TTC8: variants seen among roughly 807,000 people sequenced by gnomAD.
TTC8 encodes the protein tetratricopeptide repeat domain 8.
In TTC8, 47 loss-of-function variants were observed where a neutral mutation model predicts 72.5. The observed-to-expected ratio is 0.65, with a 90% CI of 0.51 to 0.83. The LOEUF is 0.83. Ranked by LOEUF, TTC8 falls within the 40% of genes least tolerant of loss-of-function variation. The pLI is 0.00. For missense variants in TTC8, 611 were observed against 623.2 expected, an observed-to-expected ratio of 0.98 and a Z score of 0.21; for synonymous variants, 199 against 221.4, an observed-to-expected ratio of 0.90 and a Z score of 0.90.
intron 7 of TTC8, among the ~76,000 whole-genome samples, chr14:88,849,090 C>G (rs897976244): frequency 2.6e-5 from 4 of 151,946 alleles, no homozygotes; most frequent in African/African-American, 9.7e-5. Context: ...CTTTGTTTTC[C>G]ATTTTATTTA....
In TTC8 at chr14:88,853,058, T is replaced by C. The variant is rs773484149; in HGVS notation, c.710+2T>C. ...ACAGATTGGAAAATGTTACTACAGG[T>C]AAATTTCATTATTTGTGAAGGGCTT... is the stretch of plus-strand genomic sequence containing the variant. On this transcript the variant is annotated splice_donor_variant, in intron 8 of 14. Coordinates refer to ENST00000380656, the MANE Select transcript of TTC8 (RefSeq NM_144596.4). LOFTEE classifies it high-confidence loss of function. 2 of 1,609,290 alleles carry C rather than the reference T, an allele frequency of 1.2e-6. No individual in the cohort carries two copies. The highest frequency in any genetic ancestry group is 2.2e-5 in the South Asian group (2 of 90,992).
chr14:88,870,778 GAA>G (rs2094930335), intron 11 of TTC8, among the ~76,000 whole-genome samples: 1 of 152,156 alleles, frequency 6.6e-6, no homozygotes, highest in Non-Finnish European at 1.5e-5. Context: ...GGGTAATATA[GAA>G]AGAGATGACT....
At chr14:88,878,160 A>G (rs1251387872), downstream of TTC8, 1 of 152,202 alleles carries the variant, frequency 6.6e-6, no homozygotes, top group African/African-American at 2.4e-5. Context: ...ATTATTAATA[A>G]TAAGAATATT....
chr14:88,824,931 T>A, intron 1 of TTC8, 110 bp downstream of exon 1: 1 of 1,095,306 alleles, frequency 9.1e-7, no homozygotes, highest in Non-Finnish European at 1.4e-6. Flanking sequence ...GAGGCGGGGC[T>A]GACCGTTCGG....
At chr14:88,870,265 G>A (rs1211024836) in intron 11 of TTC8, 67 bp downstream of exon 11, 3 of 1,542,110 alleles carry the variant, frequency 1.9e-6, no homozygotes, top group East Asian at 2.2e-5. Context: ...TAAGAAAGAT[G>A]GAATGAAAGT....
At chr14:88,825,174 G>T (rs944410102) in intron 1 of TTC8, among the ~76,000 whole-genome samples, 23 of 152,194 alleles carry the variant, frequency 1.5e-4, no homozygotes, top group African/African-American at 5.5e-4. Flanking sequence ...CAGCGTGTGC[G>T]TTGTTAATTT....
At chr14:88,844,883 A>G (rs1277326166) in intron 7 of TTC8, among the ~76,000 whole-genome samples, 1 of 152,112 alleles carries the variant, frequency 6.6e-6, no homozygotes, top group African/African-American at 2.4e-5. Flanking sequence ...GTCAACCACT[A>G]GCTATACACT....
chr14:88,846,450 A>C, intron 7 of TTC8: 2 of 479,068 alleles, frequency 4.2e-6, no homozygotes, highest in Non-Finnish European at 7.4e-6. Context: ...CCTGAGTAGA[A>C]GCATGCTTGG....
intron 1 of TTC8, among the ~76,000 whole-genome samples, chr14:88,826,202 G>A: frequency 6.6e-6 from 1 of 151,176 alleles, no homozygotes; most frequent in East Asian, 2.0e-4. Flanking sequence ...GTTAGCCAGG[G>A]TGGTCTCGAA....
rs2094796488 is a variant in TTC8, at chr14:88,844,444, C to T, written c.624+594C>T. Among the ~76,000 whole-genome samples the T allele has an allele frequency of 2.0e-5, 3 of 152,174 alleles. No individual in the cohort carries two copies. The South Asian group carries it at 6.2e-4, about 32-fold the overall frequency. On this transcript the variant is annotated intron_variant, in intron 7 of 14. Transcript: ENST00000380656. The stretch of plus-strand genomic sequence containing the variant: ...CAGTTCATTCTACAGTGTCTGATTG[C>T]ATGTTTTCTCATTTTCCTATTAGTT...
chr14:88,843,475 A>G (rs985416303), intron 6 of TTC8, among the ~76,000 whole-genome samples: 1 of 152,248 alleles, frequency 6.6e-6, no homozygotes, highest in Non-Finnish European at 1.5e-5. Flanking sequence ...CATTATTAAT[A>G]TCATAATCAC....
chr14:88,851,572 G>C (rs1244412218), intron 7 of TTC8, among the ~76,000 whole-genome samples: 1 of 152,130 alleles, frequency 6.6e-6, no homozygotes, highest in East Asian at 1.9e-4. Flanking sequence ...AAAATGTTTA[G>C]ATATTTACCA....
rs200318980 is a variant in TTC8 at position 88,841,469 on chromosome 14, T to C, written c.534T>C (p.Ser178=). The C allele has an allele frequency of 8.1e-6, 13 of 1,613,644 alleles. No homozygotes were observed. The highest frequency in any genetic ancestry group is 5.0e-5 in the Admixed American group (3 of 59,974). Residue 178 remains serine (S), a synonymous_variant, in exon 6 of 15, where the codon TCT becomes TCC. Coordinates refer to ENST00000380656, the MANE Select transcript of TTC8 (RefSeq NM_144596.4). ...CTGATGGACCATTTATAAATTTATC[T>C]AGGCTGAATTTAACAAAGTATTCCC... is the stretch of plus-strand genomic sequence containing the variant. ...TSPDGPFINL[S]RLNLTKYSQK...
chr14:88,851,911 A>G (rs1423597851), intron 7 of TTC8, among the ~76,000 whole-genome samples: 4 of 152,192 alleles, frequency 2.6e-5, no homozygotes, highest in Non-Finnish European at 4.4e-5. Flanking sequence ...TTAATTATAC[A>G]GTAAGATTAA....
At position 88,871,733 on chromosome 14, in the gene TTC8, C is replaced by T; in HGVS notation, c.1224+10C>T. 1 of 1,613,944 alleles carries T rather than the reference C, an allele frequency of 6.2e-7. No individual in the cohort carries two copies. Among genetic ancestry groups the T allele is most frequent in the Non-Finnish European group, 8.5e-7 (1 of 1,179,908 alleles). Reference sequence around the variant, plus strand: ...GGGACATGTAGCTGTGGTATGTTGTCTTACTGATATAATTTCTGTTATAGA... The same window carrying T: ...GGGACATGTAGCTGTGGTATGTTGTTTTACTGATATAATTTCTGTTATAGA... On this transcript the variant is annotated intron_variant, in intron 12 of 14. Transcript: ENST00000380656. The surrounding 1 kb of genome is among the most constrained non-coding windows in gnomAD (Gnocchi z 4.1).
intron 10 of TTC8, among the ~76,000 whole-genome samples, chr14:88,862,579 TA>T (rs1436723237): frequency 1.4e-5 from 1 of 73,728 alleles, no homozygotes. Context: ...TATATATATA[TA>T]TATATATATA....
In TTC8 at chr14:88,848,070, C is replaced by T. The variant is rs188399418; in HGVS notation, c.624+4220C>T. ...CCCGGGAGGCAGAGGTTGCCGTGAG[C>T]CCAGATCGCGCCACTGCATTTCAGC... On this transcript the variant is annotated intron_variant, in intron 7 of 14. Transcript: ENST00000380656. 3.0e-3 allele frequency among the ~76,000 whole-genome samples: 442 copies of T among 148,172 alleles called. 2 individuals carry two copies. Among genetic ancestry groups the T allele is most frequent in the African/African-American group, 0.011 (425 of 39,626 alleles).
At chr14:88,847,808 T>C (rs1188677370) in intron 7 of TTC8, among the ~76,000 whole-genome samples, 2 of 152,072 alleles carry the variant, frequency 1.3e-5, no homozygotes, top group Admixed American at 6.6e-5. Context: ...TTTTGAAATA[T>C]TGGTATTTAT....
In TTC8 at chr14:88,843,840, ATGT is replaced by A. The variant is rs1411331191; in HGVS notation, c.616_618del (p.Val206del). The A allele has an allele frequency of 6.3e-7, 1 of 1,593,480 alleles. No individual in the cohort carries two copies. Among genetic ancestry groups the A allele is most frequent in the East Asian group, 2.2e-5 (1 of 44,472 alleles). ...GAGTATATCTTTCATCATGAAAATG[ATGT>A]TAAGACTGTAAGTTTTGAATTCATG... On this transcript the variant is annotated inframe_deletion, in exon 7 of 15. Transcript: ENST00000380656.
Sources: allele counts gnomAD v4.1 joint callset (sites outside exome capture counted in the v4.1 genomes callset), GRCh38; gene constraint gnomAD v4.1.1; non-coding constraint Gnocchi (gnomAD v3.1); transcripts MANE v1.5; gene names NCBI Gene and HGNC (gene_info 2026-07-23, HGNC 2026-07-21).